The following CIB1 variants were observed in gnomAD, a reference collection of about 807,000 sequenced individuals.
CIB1 encodes the protein calcium and integrin-binding protein 1.
Under a neutral mutation model 25.0 loss-of-function variants are expected in CIB1, and 19 were observed. That is an observed-to-expected ratio of 0.76 (90% CI 0.53 to 1.12). The LOEUF is 1.12. CIB1 is among the 50% of genes most tolerant of loss of function. CIB1 has a pLI of 0.00. For missense variants in CIB1, 236 were observed against 242.6 expected (o/e 0.97, Z 0.18); for synonymous variants, 104 against 98.5 (o/e 1.06, Z -0.33).
At chr15:90,263,309 C>A in the CIB1 span, 28 of 617,974 alleles carry the variant, frequency 4.5e-5, no homozygotes, top group Non-Finnish European at 7.7e-5. Context: ...CTGTTGATTC[C>A]TTTTGCGTCT....
chr15:90,259,558 C>G, the CIB1 span, among the ~76,000 whole-genome samples: 1 of 152,128 alleles, frequency 6.6e-6, no homozygotes, highest in Non-Finnish European at 1.5e-5. Flanking sequence ...TGTATTTATA[C>G]AAAATATTTT....
chr15:90,245,336 G>T, the CIB1 span: 1 of 152,110 alleles, frequency 6.6e-6, no homozygotes, highest in Admixed American at 6.5e-5. Context: ...TTAGCTGGGT[G>T]TGGGTGCACA....
At chr15:90,255,775 C>A in the CIB1 span, 1 of 1,614,144 alleles carries the variant, frequency 6.2e-7, no homozygotes, top group Non-Finnish European at 8.5e-7. Flanking sequence ...ACTTCCCTGG[C>A]ATGACAGAAA....
the CIB1 span, chr15:90,241,325 C>T: frequency 6.2e-7 from 1 of 1,614,256 alleles, no homozygotes. Context: ...TCCGTTTGCA[C>T]CGGGAGCCTG....
chr15:90,260,317 C>A, the CIB1 span, among the ~76,000 whole-genome samples: 13 of 151,464 alleles, frequency 8.6e-5, no homozygotes, highest in African/African-American at 2.9e-4. Flanking sequence ...GGGCAACAGG[C>A]AAAACCCTGT....
chr15:90,247,276 TTTTTCTTTTC>T, the CIB1 span, among the ~76,000 whole-genome samples: 2 of 149,762 alleles, frequency 1.3e-5, no homozygotes, highest in African/African-American at 5.0e-5. Flanking sequence ...ACTGGCCTTT[TTTTTCTTTTC>T]TTTTCTTTTT....
At chr15:90,241,105 C>T in the CIB1 span, 2 of 1,614,168 alleles carry the variant, frequency 1.2e-6, no homozygotes, top group Non-Finnish European at 1.7e-6. Context: ...CTCTGCTCTG[C>T]CTGGAAGCAG....
At chr15:90,249,700 C>T in the CIB1 span, 1 of 152,296 alleles carries the variant, frequency 6.6e-6, no homozygotes, top group Non-Finnish European at 1.5e-5. Context: ...CAGAAACGCC[C>T]AGGGAGACCT....
chr15:90,258,931 T>TTA, the CIB1 span: 2 of 1,614,152 alleles, frequency 1.2e-6, no homozygotes, highest in Non-Finnish European at 1.7e-6. Context: ...AATCTAGGTG[T>TTA]GCTAGGTGTC....
chr15:90,264,009 G>A, the CIB1 span: 3 of 1,536,130 alleles, frequency 2.0e-6, no homozygotes, highest in Non-Finnish European at 2.6e-6. Context: ...TGTCAATGAA[G>A]AAGGCTGGGA....
the CIB1 span, chr15:90,259,167 A>C: frequency 1.4e-6 from 1 of 699,468 alleles, no homozygotes; most frequent in Non-Finnish European, 2.1e-6. Context: ...GTTCAACACC[A>C]GACTGGGCAA....
At chr15:90,263,024 T>C in the CIB1 span, 2 of 1,536,074 alleles carry the variant, frequency 1.3e-6, no homozygotes, top group Non-Finnish European at 1.7e-6. Context: ...GAGGAGGAGC[T>C]GGAGCGGATG....
chr15:90,265,247 G>A, the CIB1 span: 1 of 1,295,150 alleles, frequency 7.7e-7, no homozygotes, highest in Non-Finnish European at 9.8e-7. Context: ...GCTAGGTGAT[G>A]GGTCTGAACC....
At chr15:90,253,739 A>G in the CIB1 span, among the ~76,000 whole-genome samples, 4 of 152,204 alleles carry the variant, frequency 2.6e-5, no homozygotes, top group African/African-American at 9.6e-5. Context: ...AACTTAGTTT[A>G]GCATTCCACA....
Position 90,231,117 on chromosome 15 carries a change from T to G in CIB1, c.443A>C (p.Glu148Ala). ...EGEDTRLSAS[E>A]MKQLIDNILE... ...CACGTTGTCGATGAGCTGCTTCATC[T>G]CAGACGCACTAAGCCGTGTGTCCTC... The change falls in exon 5 of 7, where the codon GAG (glutamate) becomes GCG (alanine). Residue 148 changes from glutamate to alanine, a missense_variant. Coordinates refer to ENST00000328649, the MANE Select transcript of CIB1 (RefSeq NM_006384.4). The G allele has an allele frequency of 6.2e-7, 1 of 1,614,148 alleles. No homozygotes were observed. The highest frequency in any genetic ancestry group is 8.5e-7 in the Non-Finnish European group (1 of 1,180,010).
At chr15:90,264,953 A>T in the CIB1 span, 2 of 1,535,842 alleles carry the variant, frequency 1.3e-6, no homozygotes, top group Non-Finnish European at 8.7e-7. Flanking sequence ...CCTCAACATC[A>T]ATCAGTTCAG....
chr15:90,242,014 C>G, the CIB1 span: 1 of 1,614,012 alleles, frequency 6.2e-7, no homozygotes, highest in Non-Finnish European at 8.5e-7. Context: ...CCATCCCAGG[C>G]AGAAGACGTA....
the CIB1 span, chr15:90,250,800 T>A: frequency 1.2e-6 from 2 of 1,614,218 alleles, no homozygotes; most frequent in Non-Finnish European, 1.7e-6. Context: ...TCACCCATTA[T>A]GGCCACAAAA....
the CIB1 span, among the ~76,000 whole-genome samples, chr15:90,261,683 G>A: frequency 2.6e-5 from 4 of 152,270 alleles, no homozygotes; most frequent in South Asian, 8.3e-4. Flanking sequence ...GGGAGGCTGA[G>A]GCAGGAGAAC....
Sources: allele counts gnomAD v4.1 joint callset (sites outside exome capture counted in the v4.1 genomes callset), GRCh38; gene constraint gnomAD v4.1.1; transcripts MANE v1.5; gene names NCBI Gene and HGNC (gene_info 2026-07-23, HGNC 2026-07-21).